Variants in RBFOX1 observed in about 807,000 individuals in gnomAD.
RBFOX1 encodes RNA binding protein fox-1 homolog 1.
In RBFOX1, 8 loss-of-function variants were observed where a neutral mutation model predicts 57.7. The ratio of observed to expected loss-of-function variants is 0.14; its 90% confidence interval spans 0.08 to 0.25. RBFOX1 has a LOEUF of 0.25. Ranked by LOEUF, RBFOX1 falls within the 10% of genes least tolerant of loss-of-function variation. RBFOX1 has a pLI of 1.00. For missense variants in RBFOX1, 611 were observed against 548.5 expected (o/e 1.11, Z -1.14); for synonymous variants, 326 against 222.4 (o/e 1.47, Z -4.15).
chr16:7,695,926 G>T (rs1598324919), intron 14 of RBFOX1, among the ~76,000 whole-genome samples: 1 of 152,152 alleles, frequency 6.6e-6, no homozygotes, highest in African/African-American at 2.4e-5. Context: ...GATGCCCATG[G>T]TGGATGGGCT....
At chr16:5,981,985 A>G (rs2060183649) in intron 4 of RBFOX1, among the ~76,000 whole-genome samples, 1 of 152,190 alleles carries the variant, frequency 6.6e-6, no homozygotes, top group Non-Finnish European at 1.5e-5. Context: ...AAAAACGCTT[A>G]TCTAAAGGGT....
At chr16:5,354,201 G>A (rs1181428863) in intron 1 of RBFOX1, among the ~76,000 whole-genome samples, 1 of 152,152 alleles carries the variant, frequency 6.6e-6, no homozygotes, top group Non-Finnish European at 1.5e-5. Flanking sequence ...GTCGGCCTTG[G>A]CTGATGTCTC....
chr16:6,085,943 A>G (rs1465621432), intron 1 of RBFOX1, among the ~76,000 whole-genome samples: 3 of 152,152 alleles, frequency 2.0e-5, no homozygotes, highest in East Asian at 1.9e-4. Context: ...TAAGCCCCAC[A>G]TGCATTAGCC....
chr16:5,795,795 C>T (rs1242318596), intron 3 of RBFOX1, among the ~76,000 whole-genome samples: 1 of 152,228 alleles, frequency 6.6e-6, no homozygotes, highest in Non-Finnish European at 1.5e-5. Flanking sequence ...ATCCCATTCT[C>T]CCCTTCTGTT....
chr16:6,402,636 C>G (rs541487610), intron 2 of RBFOX1, among the ~76,000 whole-genome samples: 31 of 152,296 alleles, frequency 2.0e-4, no homozygotes, highest in African/African-American at 7.5e-4. Context: ...CACTACTGTC[C>G]ACACAATACC....
At chr16:6,821,739 A>G (rs1357612699) in intron 3 of RBFOX1, among the ~76,000 whole-genome samples, 1 of 152,226 alleles carries the variant, frequency 6.6e-6, no homozygotes, top group Non-Finnish European at 1.5e-5. Flanking sequence ...TGGCTGAATA[A>G]TATTCCACTG....
intron 4 of RBFOX1, among the ~76,000 whole-genome samples, chr16:5,910,742 G>C (rs916355783): frequency 1.3e-5 from 2 of 152,196 alleles, no homozygotes; most frequent in Non-Finnish European, 2.9e-5. Flanking sequence ...CAAGCTGTCA[G>C]AATCTGCATC....
chr16:5,587,586 G>T (rs60375660), intron 2 of RBFOX1, among the ~76,000 whole-genome samples: 2 of 152,158 alleles, frequency 1.3e-5, no homozygotes, highest in African/African-American at 4.8e-5. Flanking sequence ...GGTGGCAGAT[G>T]CCTGTAATCC....
intron 1 of RBFOX1, among the ~76,000 whole-genome samples, chr16:5,433,535 G>C (rs1011952230): frequency 7.9e-5 from 12 of 152,192 alleles, no homozygotes; most frequent in Non-Finnish European, 1.6e-4. Flanking sequence ...TCTTGCAAAT[G>C]GGAGGGAGGC....
Position 7,474,489 on chromosome 16 carries a change from G to A in RBFOX1, c.28-43658G>A, listed in dbSNP as rs185556128. Among the ~76,000 whole-genome samples the A allele has an allele frequency of 3.9e-4, 59 of 152,326 alleles. No individual in the cohort carries two copies. In the East Asian group the frequency reaches 6.2e-3, roughly 16 times the overall value. On this transcript the variant is annotated intron_variant, in intron 4 of 15. Coordinates refer to ENST00000550418, the MANE Select transcript of RBFOX1 (RefSeq NM_018723.4). ...GGTGAATTTAATGAGACTTGGCAGTGACCCCAGTGACCTGGTGAACAGCCA... is the reference window on the plus strand; with the variant it reads ...GGTGAATTTAATGAGACTTGGCAGTAACCCCAGTGACCTGGTGAACAGCCA...
chr16:5,752,977 C>A (rs149674346), intron 3 of RBFOX1, among the ~76,000 whole-genome samples: 1 of 151,978 alleles, frequency 6.6e-6, no homozygotes, highest in Non-Finnish European at 1.5e-5. Context: ...CATAGTGAGA[C>A]CTCATCACTC....
chr16:6,151,337 G>A (rs2096796272), intron 1 of RBFOX1, among the ~76,000 whole-genome samples: 1 of 152,166 alleles, frequency 6.6e-6, no homozygotes, highest in Non-Finnish European at 1.5e-5. Context: ...CCAGGCTGGA[G>A]TGCAGTGGCA....
At chr16:6,518,490 A>G (rs913665119) in intron 2 of RBFOX1, among the ~76,000 whole-genome samples, 6 of 152,104 alleles carry the variant, frequency 3.9e-5, no homozygotes, top group African/African-American at 1.2e-4. Flanking sequence ...ACTGAGAGTC[A>G]GTTATTTTGT....
At chr16:5,446,737 A>C (rs112097852) in intron 1 of RBFOX1, among the ~76,000 whole-genome samples, 3,474 of 152,148 alleles carry the variant, frequency 0.023, 135 homozygotes, top group African/African-American at 0.079. Context: ...AGCTTAGACT[A>C]AGTTCTTCAA....
intron 3 of RBFOX1, among the ~76,000 whole-genome samples, chr16:7,022,461 T>G (rs2039596164): frequency 6.6e-6 from 1 of 152,090 alleles, no homozygotes; most frequent in African/African-American, 2.4e-5. Flanking sequence ...CTCTCTGAGT[T>G]TATGGAGTTG....
intron 1 of RBFOX1, among the ~76,000 whole-genome samples, chr16:6,276,437 C>G (rs1383716067): frequency 3.9e-5 from 6 of 152,126 alleles, no homozygotes; most frequent in African/African-American, 1.4e-4. Context: ...TGGGTTCATT[C>G]AAGTGGTTCT....
chr16:6,430,009 G>A (rs1211685382), intron 2 of RBFOX1, among the ~76,000 whole-genome samples: 1 of 152,072 alleles, frequency 6.6e-6, no homozygotes, highest in African/African-American at 2.4e-5. Context: ...TTGGGAGGCT[G>A]GGGCAGGAGA....
intron 4 of RBFOX1, among the ~76,000 whole-genome samples, chr16:5,907,749 ATCATCATCATCATCATTT>A (rs1304115255): frequency 6.7e-6 from 1 of 149,752 alleles, no homozygotes; most frequent in African/African-American, 2.5e-5. Context: ...CATCATCATC[ATCATCATCATCATCATTT>A]GAGATGGCAT....
At chr16:5,933,778 GT>G (rs200481485) in intron 4 of RBFOX1, among the ~76,000 whole-genome samples, 4,297 of 142,530 alleles carry the variant, frequency 0.03, 295 homozygotes, top group East Asian at 0.23. Context: ...GCCACAAGGT[GT>G]TTTTTTTTGT....
Sources: allele counts gnomAD v4.1 joint callset (sites outside exome capture counted in the v4.1 genomes callset), GRCh38; gene constraint gnomAD v4.1.1; transcripts MANE v1.5; gene names NCBI Gene and HGNC (gene_info 2026-07-23, HGNC 2026-07-21).